MEGF10: variants seen among roughly 807,000 people sequenced by gnomAD.
The protein encoded by MEGF10 is multiple EGF like domains 10.
In MEGF10, 86 loss-of-function variants were observed where a neutral mutation model predicts 147.5. The observed-to-expected ratio is 0.58, with a 90% CI of 0.49 to 0.70. The LOEUF is 0.70. Ranked by LOEUF, MEGF10 falls within the 30% of genes least tolerant of loss-of-function variation. MEGF10 has a pLI of 0.00. For missense variants in MEGF10, 1,329 were observed against 1,487.3 expected, an observed-to-expected ratio of 0.89 and a Z score of 1.75; for synonymous variants, 478 against 525.5, an observed-to-expected ratio of 0.91 and a Z score of 1.24.
chr5:127,326,680 A>G (rs1383916510), intron 1 of MEGF10, among the ~76,000 whole-genome samples: 1 of 152,198 alleles, frequency 6.6e-6, no homozygotes, highest in Non-Finnish European at 1.5e-5. Flanking sequence ...CATCCTTTAT[A>G]GATAACACGA....
At chr5:127,360,864 G>GTATATATATA (rs370089072) in intron 4 of MEGF10, among the ~76,000 whole-genome samples, 2 of 149,060 alleles carry the variant, frequency 1.3e-5, no homozygotes, top group African/African-American at 4.9e-5. Flanking sequence ...ATATGTGTGT[G>GTATATATATA]TATATATATA....
At chr5:127,306,834 T>A (rs1173047695) in intron 1 of MEGF10, among the ~76,000 whole-genome samples, 1 of 152,184 alleles carries the variant, frequency 6.6e-6, no homozygotes, top group Non-Finnish European at 1.5e-5. Flanking sequence ...ATCTTAAAGG[T>A]ACTTTATGCT....
At chr5:127,448,502 G>A (rs1464077365) in intron 21 of MEGF10, among the ~76,000 whole-genome samples, 1 of 151,982 alleles carries the variant, frequency 6.6e-6, no homozygotes, top group East Asian at 1.9e-4. Flanking sequence ...TCTAATCTCT[G>A]TTGTCTAATT....
intron 1 of MEGF10, among the ~76,000 whole-genome samples, chr5:127,310,899 G>T (rs1580696302): frequency 3.9e-5 from 6 of 152,248 alleles, no homozygotes; most frequent in Admixed American, 3.9e-4. Context: ...AGAAGGCTGA[G>T]ATCTACTTCC....
the MEGF10 span, among the ~76,000 whole-genome samples, chr5:127,283,832 CA>C: frequency 6.6e-6 from 1 of 152,156 alleles, no homozygotes; most frequent in Non-Finnish European, 1.5e-5. Context: ...TATATACTTA[CA>C]AAGATAAGAA....
intron 2 of MEGF10, among the ~76,000 whole-genome samples, chr5:127,335,716 A>G (rs1282273287): frequency 1.3e-5 from 2 of 152,116 alleles, no homozygotes; most frequent in East Asian, 3.9e-4. Context: ...TGTGCATGGC[A>G]TGATTATTAT....
intron 9 of MEGF10, among the ~76,000 whole-genome samples, chr5:127,412,128 TAAC>T (rs1456087719): frequency 4.6e-5 from 7 of 152,248 alleles, no homozygotes; most frequent in South Asian, 4.1e-4. Flanking sequence ...ATATATGTGT[TAAC>T]AAAGAAGTAC....
the MEGF10 span, among the ~76,000 whole-genome samples, chr5:127,259,832 A>G: frequency 0.03 from 4,609 of 152,210 alleles, 179 homozygotes; most frequent in African/African-American, 0.096. Flanking sequence ...ATCTTAAACT[A>G]CCTAAGTGAA....
chr5:127,284,021 GA>G, the MEGF10 span, among the ~76,000 whole-genome samples: 1 of 152,292 alleles, frequency 6.6e-6, no homozygotes, highest in South Asian at 2.1e-4. Flanking sequence ...GAAGAAGACA[GA>G]AAAGTACTCC....
At chr5:127,315,225 A>C (rs1255870161) in intron 1 of MEGF10, among the ~76,000 whole-genome samples, 2 of 152,130 alleles carry the variant, frequency 1.3e-5, no homozygotes, top group African/African-American at 4.8e-5. Context: ...TTAAAATTAA[A>C]GGTTTTTTCC....
chr5:127,311,840 C>T (rs1207502388), intron 1 of MEGF10, among the ~76,000 whole-genome samples: 4 of 152,078 alleles, frequency 2.6e-5, no homozygotes, highest in African/African-American at 9.7e-5. Flanking sequence ...CAGAATGCAA[C>T]GTTAAATTCC....
At chr5:127,306,366 T>A (rs1199299793) in intron 1 of MEGF10, among the ~76,000 whole-genome samples, 2 of 152,164 alleles carry the variant, frequency 1.3e-5, no homozygotes, top group African/African-American at 4.8e-5. Context: ...TGAAGAAAGG[T>A]CTGTGCAAGC....
intron 1 of MEGF10, among the ~76,000 whole-genome samples, chr5:127,295,767 G>T (rs1312302736): frequency 6.6e-6 from 1 of 152,174 alleles, no homozygotes; most frequent in African/African-American, 2.4e-5. Flanking sequence ...CAATATTGAG[G>T]ACTGCCTTTA....
In MEGF10 at chr5:127,417,735, C is replaced by G; in HGVS notation, c.1228C>G (p.Gln410Glu). 1 of 1,614,098 alleles carries G rather than the reference C, an allele frequency of 6.2e-7. No individual in the cohort carries two copies. The highest frequency in any genetic ancestry group is 8.5e-7 in the Non-Finnish European group (1 of 1,180,032). ...CSPGFYGEACQQICSCQNGAD... is the reference protein window; with the variant it reads ...CSPGFYGEACEQICSCQNGAD... ...TCCTGGATTCTACGGGGAAGCTTGC[C>G]AGCAGATCTGCAGCTGCCAAAATGG... Residue 410 changes from glutamine (Q) to glutamate (E), a missense_variant, in exon 10 of 25, where the codon CAG becomes GAG. Around this residue, in one of 3 missense-constraint regions of MEGF10, gnomAD observed 980 missense variants for 1,085.9 expected, o/e 0.90. Coordinates refer to ENST00000503335, the MANE Select transcript of MEGF10 (RefSeq NM_001256545.2).
chr5:127,241,963 A>G, the MEGF10 span, among the ~76,000 whole-genome samples: 1 of 152,086 alleles, frequency 6.6e-6, no homozygotes, highest in South Asian at 2.1e-4. Context: ...GATTTTAGAA[A>G]CAGTAGATAT....
At chr5:127,287,095 G>A (rs531492369), upstream of MEGF10, among the ~76,000 whole-genome samples, 4 of 151,966 alleles carry the variant, frequency 2.6e-5, no homozygotes, top group African/African-American at 9.6e-5. Flanking sequence ...AGTCACTCAT[G>A]GTAAAATAAA....
chr5:127,396,488 C>A lies in MEGF10; in HGVS notation c.413-44C>A, dbSNP rs199934532. The A allele has an allele frequency of 2.7e-6, 4 of 1,479,524 alleles. No homozygotes were observed. In the East Asian group the frequency reaches 7.2e-5, roughly 26 times the overall value. 91.6% of individuals were successfully genotyped at this position (1,479,524 alleles called of 1,614,324 possible). On this transcript the variant is annotated intron_variant, in intron 5 of 24. Coordinates refer to ENST00000503335, the MANE Select transcript of MEGF10 (RefSeq NM_001256545.2). ...CCCCGAGAGGCGAAGAAATCTGGTT[C>A]TCCCTTACCCACTGATATCCACTGT...
the MEGF10 span, among the ~76,000 whole-genome samples, chr5:127,256,384 C>G: frequency 6.6e-6 from 1 of 152,174 alleles, no homozygotes; most frequent in Non-Finnish European, 1.5e-5. Context: ...TTTTTTACAA[C>G]AGTCGTTTTG....
chr5:127,302,514 T>C (rs1481211727), intron 1 of MEGF10, among the ~76,000 whole-genome samples: 3 of 152,220 alleles, frequency 2.0e-5, no homozygotes, highest in Non-Finnish European at 2.9e-5. Context: ...CATGGCTTTT[T>C]CTTTTAGGAC....
Sources: allele counts gnomAD v4.1 joint callset (sites outside exome capture counted in the v4.1 genomes callset), GRCh38; gene constraint gnomAD v4.1.1; regional missense constraint gnomAD v4.1.1; transcripts MANE v1.5; gene names NCBI Gene and HGNC (gene_info 2026-07-23, HGNC 2026-07-21).